DDX3X: variants seen among roughly 807,000 people sequenced by gnomAD.
The protein encoded by DDX3X is DEAD-box helicase 3 X-linked.
A neutral mutation model predicts 52.7 loss-of-function variants in DDX3X; 4 were observed. The ratio of observed to expected loss-of-function variants is 0.08; its 90% CI spans 0.04 to 0.17. DDX3X has a LOEUF of 0.17. Ranked by LOEUF, DDX3X falls within the 10% of genes least tolerant of loss-of-function variation. DDX3X has a pLI of 1.00. For missense variants in DDX3X, 222 were observed against 548.6 expected (o/e 0.40, Z 5.95); for synonymous variants, 192 against 178.1 (o/e 1.08, Z -0.62).
chrX:41,347,916 G>A lies in DDX3X; in HGVS notation c.*197G>A. On this transcript the variant is annotated 3_prime_UTR_variant, in exon 17 of 17. Coordinates refer to ENST00000644876, the MANE Select transcript of DDX3X (RefSeq NM_001356.5). ...AACAATCAGCAGCCCTGTTCAGAAG[G>A]TGGTTTGAAGACTTCATTGCTGTAG... The A allele has an allele frequency of 2.6e-6, 1 of 388,675 alleles. No homozygotes were observed. The highest frequency in any genetic ancestry group is 4.4e-6 in the Non-Finnish European group (1 of 225,854). The allele number at this position is 388,675 out of a possible 1,213,427, so 32.0% of individuals were successfully genotyped here.
intron 6 of DDX3X, 160 bp from the exon 7 acceptor site, chrX:41,343,056 A>G: frequency 3.1e-6 from 2 of 644,603 alleles, no homozygotes; most frequent in Non-Finnish European, 2.3e-6. Flanking sequence ...TCCAATGTGC[A>G]GTAAGCCTGG....
chrX:41,347,735 G>C lies in DDX3X; in HGVS notation c.*16G>C, dbSNP rs2063945579. 3.6e-6 allele frequency: 4 copies of C among 1,102,816 alleles called. No individual in the cohort carries two copies. The highest frequency in any genetic ancestry group is 1.8e-5 in the African/African-American group (1 of 54,111). The allele number at this position is 1,102,816 out of a possible 1,213,427, so 90.9% of individuals were successfully genotyped here. ...GGGTAACTGAGCCTGCTTTGCAGTAGGTCACCCTGCCAAACAAGCTAATAT... is the reference window on the plus strand; with the variant it reads ...GGGTAACTGAGCCTGCTTTGCAGTACGTCACCCTGCCAAACAAGCTAATAT... On this transcript the variant is annotated 3_prime_UTR_variant, in exon 17 of 17. Transcript: ENST00000644876.
At chrX:41,347,106 C>T (rs1360614056) in intron 15 of DDX3X, 94 bp downstream of exon 15, 1 of 1,010,413 alleles carries the variant, frequency 9.9e-7, no homozygotes, top group Non-Finnish European at 1.3e-6. Context: ...GTTAACTGTA[C>T]AGTATTTAAA....
chrX:41,361,099 GTTT>G (rs750531694), intron 5 of DDX3X, among the ~76,000 whole-genome samples: 1 of 100,662 alleles, frequency 9.9e-6, no homozygotes, highest in Admixed American at 1.1e-4. Context: ...TTGCCGCTCT[GTTT>G]TTTTTTTTTG....
At chrX:41,346,834 T>C in intron 14 of DDX3X, 25 bp from the exon 15 acceptor site, 1 of 1,179,538 alleles carries the variant, frequency 8.5e-7, no homozygotes, top group South Asian at 1.9e-5. Context: ...CCTTTGTTTA[T>C]ATACTTTTTT....
chrX:41,334,652 G>A, intron 1 of DDX3X: 1 of 1,059,888 alleles, frequency 9.4e-7, no homozygotes, highest in Non-Finnish European at 1.2e-6. Context: ...GCAGCGCGGC[G>A]GGACGCGACT....
At chrX:41,334,505 C>T in intron 1 of DDX3X, 1 of 1,095,994 alleles carries the variant, frequency 9.1e-7, no homozygotes, top group East Asian at 3.3e-5. Context: ...CTGTATTGTC[C>T]CCGGGACGAG....
chrX:41,358,065 CTTTTTTTTTTTTTTT>C (rs59380932), intron 5 of DDX3X: 14 of 45,951 alleles, frequency 3.0e-4, no homozygotes, highest in South Asian at 1.5e-3. Flanking sequence ...GATAGACACT[CTTTTTTTTTTTTTTT>C]TTTTTTTTTT....
intron 3 of DDX3X, chrX:41,340,973 T>G (rs1316266652): frequency 3.6e-6 from 1 of 274,611 alleles, no homozygotes; most frequent in Non-Finnish European, 6.4e-6. Flanking sequence ...ATTGCTTGAT[T>G]TAGTGTAAAG....
chrX:41,335,349 T>C (rs2063749996), intron 1 of DDX3X: 1 of 111,482 alleles, frequency 9.0e-6, no homozygotes, highest in Admixed American at 9.5e-5. Flanking sequence ...GTAAACAGTT[T>C]TGTTGTTGAC....
At chrX:41,342,380 T>G in intron 4 of DDX3X, 115 bp from the exon 5 acceptor site, 1 of 831,037 alleles carries the variant, frequency 1.2e-6, no homozygotes, top group Non-Finnish European at 1.7e-6. Flanking sequence ...AATTGGATTG[T>G]TGACATCCTT....
chrX:41,360,377 CAA>C (rs1222630328), intron 5 of DDX3X, among the ~76,000 whole-genome samples: 11 of 80,412 alleles, frequency 1.4e-4, no homozygotes, highest in Admixed American at 2.8e-4. Flanking sequence ...AACTCTGTCT[CAA>C]AAAAAAAAAA....
At position 41,345,397 on chromosome X, in the gene DDX3X, C is replaced by T. The variant is rs767618591; in HGVS notation, c.1171-7C>T. The T allele has an allele frequency of 5.0e-6, 6 of 1,192,830 alleles. No homozygotes were observed. Among genetic ancestry groups the T allele is most frequent in the South Asian group, 3.7e-5 (2 of 53,354 alleles). On this transcript the variant is annotated splice_region_variant and splice_polypyrimidine_tract_variant and intron_variant, in intron 11 of 16. Transcript: ENST00000644876. Reference sequence around the variant, plus strand: ...TCAGGTAATAATAAAAATTTTTTTTCTTTCAGATGCTGGCTCGTGATTTCT... The same window carrying T: ...TCAGGTAATAATAAAAATTTTTTTTTTTTCAGATGCTGGCTCGTGATTTCT...
At chrX:41,334,098 G>C, upstream of DDX3X, 7 of 504,959 alleles carry the variant, frequency 1.4e-5, no homozygotes, top group Non-Finnish European at 2.4e-5. Context: ...GGCACACGTT[G>C]TACGTGCTGA....
intron 1 of DDX3X, chrX:41,335,314 G>GA (rs1013045295): frequency 5.4e-5 from 6 of 111,390 alleles, no homozygotes; most frequent in African/African-American, 2.0e-4. Flanking sequence ...TCCGCCATTG[G>GA]AAAAACACCC....
intron 15 of DDX3X, 49 bp downstream of exon 15, chrX:41,347,061 T>C (rs764475526): frequency 3.0e-5 from 34 of 1,118,211 alleles, no homozygotes; most frequent in Non-Finnish European, 3.9e-5. Context: ...TCACTTACAG[T>C]TCATAGTGTT....
chrX:41,336,813 T>C (rs2063777409), intron 1 of DDX3X: 1 of 112,208 alleles, frequency 8.9e-6, no homozygotes, highest in African/African-American at 3.2e-5. Context: ...GTTCTGTAAG[T>C]GGTAGGTATA....
chrX:41,352,276 T>G (rs1819077055), downstream of DDX3X, among the ~76,000 whole-genome samples: 1 of 112,037 alleles, frequency 8.9e-6, no homozygotes, highest in African/African-American at 3.2e-5. Flanking sequence ...GTTTTAGTCC[T>G]TATTTTACTG....
At chrX:41,335,694 A>G (rs781222487) in intron 1 of DDX3X, 1 of 112,457 alleles carries the variant, frequency 8.9e-6, no homozygotes, top group African/African-American at 3.2e-5. Context: ...TAATGTAGTC[A>G]TATGTAATAT....
Sources: gnomAD v4.1 joint callset for allele counts (sites outside exome capture counted in the v4.1 genomes callset) on GRCh38, gnomAD v4.1.1 for gene constraint, MANE v1.5 for transcripts, NCBI Gene and HGNC (gene_info 2026-07-23, HGNC 2026-07-21) for gene names.